Variants in WDPCP observed in about 807,000 individuals in gnomAD.
WDPCP encodes WD repeat containing planar cell polarity effector.
A neutral mutation model predicts 93.1 loss-of-function variants in WDPCP; 71 were observed. The observed-to-expected ratio is 0.76, with a 90% CI of 0.63 to 0.93. WDPCP has a LOEUF of 0.93. WDPCP is among the 40% of genes least tolerant of loss of function. WDPCP has a pLI of 0.00. For synonymous variants in WDPCP, 315 were observed against 315.0 expected (o/e 1.00, Z 0.00); for missense variants, 844 against 887.4 (o/e 0.95, Z 0.62).
intron 1 of WDPCP, among the ~76,000 whole-genome samples, chr2:63,819,230 A>T (rs548888272): frequency 6.6e-6 from 1 of 152,200 alleles, no homozygotes; most frequent in Admixed American, 6.5e-5. Flanking sequence ...TCTAAGCCTC[A>T]ATTTTTATCA....
intron 13 of WDPCP, among the ~76,000 whole-genome samples, chr2:63,289,036 T>G (rs1311313100): frequency 6.6e-6 from 1 of 152,154 alleles, no homozygotes; most frequent in Non-Finnish European, 1.5e-5. Context: ...TTATTGACGA[T>G]ATAAATATAA....
intron 1 of WDPCP, among the ~76,000 whole-genome samples, chr2:63,495,260 G>A (rs2105968757): frequency 6.6e-6 from 1 of 152,178 alleles, no homozygotes; most frequent in Admixed American, 6.5e-5. Context: ...TATTAAACTA[G>A]TTACTAATTT....
chr2:63,260,118 G>A (rs1012833780), intron 13 of WDPCP, among the ~76,000 whole-genome samples: 3 of 152,156 alleles, frequency 2.0e-5, no homozygotes, highest in African/African-American at 7.2e-5. Flanking sequence ...AAAGGTGACT[G>A]ACAGGGAATG....
intron 1 of WDPCP, among the ~76,000 whole-genome samples, chr2:63,568,705 TAA>T (rs1707261064): frequency 6.6e-6 from 1 of 152,184 alleles, no homozygotes. Flanking sequence ...TAGAACTTGT[TAA>T]AAGAGGCAAA....
intron 2 of WDPCP, among the ~76,000 whole-genome samples, chr2:63,667,389 GA>G (rs1177961640): frequency 6.6e-6 from 1 of 152,178 alleles, no homozygotes; most frequent in Non-Finnish European, 1.5e-5. Context: ...GCAAAAACCT[GA>G]ACAAGCAATC....
chr2:63,406,571 G>A (rs1056063989), intron 9 of WDPCP, among the ~76,000 whole-genome samples: 2 of 152,094 alleles, frequency 1.3e-5, no homozygotes, highest in African/African-American at 2.4e-5. Flanking sequence ...AAAGCTTAAC[G>A]ATTTTATGTA....
At chr2:63,594,751 T>C in intron 3 of WDPCP, 1 of 564,324 alleles carries the variant, frequency 1.8e-6, no homozygotes, top group Non-Finnish European at 3.1e-6. Context: ...TATTTATATG[T>C]ACGCCTCCAG....
intron 14 of WDPCP, among the ~76,000 whole-genome samples, chr2:63,231,711 C>T (rs1347536883): frequency 1.3e-5 from 2 of 152,142 alleles, no homozygotes; most frequent in African/African-American, 4.8e-5. Context: ...ACATTCCATG[C>T]TCATGGATAG....
intron 2 of WDPCP, among the ~76,000 whole-genome samples, chr2:63,697,341 C>T (rs572886869): frequency 1.3e-5 from 2 of 152,110 alleles, no homozygotes; most frequent in African/African-American, 2.4e-5. Flanking sequence ...AAGGGTCACA[C>T]GGTAAGTGAT....
chr2:63,599,137 CTG>C, intron 3 of WDPCP: 1 of 1,609,696 alleles, frequency 6.2e-7, no homozygotes, highest in Non-Finnish European at 8.5e-7. Context: ...ACTATATAGT[CTG>C]TAACTCTTCA....
intron 2 of WDPCP, among the ~76,000 whole-genome samples, chr2:63,788,740 T>C (rs2103995013): frequency 6.6e-6 from 1 of 152,164 alleles, no homozygotes; most frequent in Admixed American, 6.5e-5. Flanking sequence ...CTGCAAATGG[T>C]TTTCAAAAGC....
chr2:63,260,345 G>C (rs1454745553), intron 13 of WDPCP, among the ~76,000 whole-genome samples: 1 of 152,164 alleles, frequency 6.6e-6, no homozygotes, highest in Non-Finnish European at 1.5e-5. Flanking sequence ...AATGGGAAAA[G>C]AATATGAACA....
intron 13 of WDPCP, among the ~76,000 whole-genome samples, chr2:63,270,442 G>A (rs1575026189): frequency 6.6e-6 from 1 of 151,606 alleles, no homozygotes; most frequent in East Asian, 1.9e-4. Context: ...TTCTTATGTC[G>A]ATTTTAGCCA....
chr2:63,587,525 T>C (rs532380753), intron 1 of WDPCP, among the ~76,000 whole-genome samples: 1 of 152,358 alleles, frequency 6.6e-6, no homozygotes, highest in East Asian at 1.9e-4. Context: ...CATTCATTTA[T>C]CAGTGACAGA....
chr2:63,799,120 A>G (rs1199169142), intron 2 of WDPCP, among the ~76,000 whole-genome samples: 3 of 152,164 alleles, frequency 2.0e-5, no homozygotes, highest in African/African-American at 7.2e-5. Context: ...CAATACAACT[A>G]ATAGTTTTCT....
At chr2:63,487,071 T>G (rs1401635896) in intron 3 of WDPCP, among the ~76,000 whole-genome samples, 1 of 152,016 alleles carries the variant, frequency 6.6e-6, no homozygotes, top group East Asian at 1.9e-4. Context: ...TAAAGAAAAT[T>G]GATCATTCAC....
chr2:63,744,422 A>T (rs575955578), intron 2 of WDPCP, among the ~76,000 whole-genome samples: 1 of 152,250 alleles, frequency 6.6e-6, no homozygotes, highest in African/African-American at 2.4e-5. Context: ...CTGCCATCAA[A>T]GGAACTGGAT....
chr2:63,332,907 A>AT (rs1359183318), intron 12 of WDPCP, among the ~76,000 whole-genome samples: 1 of 151,948 alleles, frequency 6.6e-6, no homozygotes, highest in Admixed American at 6.6e-5. Flanking sequence ...CACTCGACCT[A>AT]TTTTTTCCAT....
intron 2 of WDPCP, among the ~76,000 whole-genome samples, chr2:63,789,261 T>C (rs1262694534): frequency 2.0e-5 from 3 of 152,160 alleles, no homozygotes; most frequent in African/African-American, 4.8e-5. Context: ...TTGTCACAAT[T>C]TTTTTTCTCT....
Sources: gnomAD v4.1 joint callset for allele counts (sites outside exome capture counted in the v4.1 genomes callset) on GRCh38, gnomAD v4.1.1 for gene constraint, MANE v1.5 for transcripts, NCBI Gene and HGNC (gene_info 2026-07-23, HGNC 2026-07-21) for gene names.